The following PAK5 variants were observed in gnomAD, a reference collection of about 807,000 sequenced individuals.
The protein encoded by PAK5 is serine/threonine-protein kinase PAK 5.
A neutral mutation model predicts 65.9 loss-of-function variants in PAK5; 16 were observed. The ratio of observed to expected loss-of-function variants is 0.24; its 90% CI spans 0.16 to 0.37. The LOEUF (loss-of-function observed/expected upper bound fraction) is 0.37, where lower values mean the gene tolerates loss of function less well. Among genes scored for constraint, PAK5 ranks in the 10% least tolerant of loss-of-function variants. The pLI is 1.00. For synonymous variants in PAK5, 371 were observed against 354.9 expected, an observed-to-expected ratio of 1.05 and a Z score of -0.51; for missense variants, 785 against 903.9, an observed-to-expected ratio of 0.87 and a Z score of 1.69.
intron 2 of PAK5, among the ~76,000 whole-genome samples, chr20:9,697,998 T>C (rs1031947286): frequency 6.6e-6 from 1 of 152,068 alleles, no homozygotes; most frequent in African/African-American, 2.4e-5. Context: ...TAGTACTGTT[T>C]GACCATATGA....
chr20:9,732,969 A>AG (rs2048349776), intron 1 of PAK5, among the ~76,000 whole-genome samples: 2 of 152,154 alleles, frequency 1.3e-5, no homozygotes, highest in African/African-American at 4.8e-5. Context: ...TCTTACCAAT[A>AG]CTGTTGGAAC....
At chr20:9,717,904 G>A (rs2048168751) in intron 1 of PAK5, among the ~76,000 whole-genome samples, 1 of 152,180 alleles carries the variant, frequency 6.6e-6, no homozygotes, top group African/African-American at 2.4e-5. Flanking sequence ...ACAGGTGTGA[G>A]CCACAGCGCT....
At chr20:9,764,170 T>C (rs1428922728) in intron 1 of PAK5, among the ~76,000 whole-genome samples, 1 of 152,188 alleles carries the variant, frequency 6.6e-6, no homozygotes, top group African/African-American at 2.4e-5. Context: ...CTTGATCTCC[T>C]TTCATCAAGG....
intron 1 of PAK5, among the ~76,000 whole-genome samples, chr20:9,828,916 C>T (rs935802998): frequency 1.3e-5 from 2 of 152,112 alleles, no homozygotes; most frequent in East Asian, 3.9e-4. Context: ...AGTGATGGAA[C>T]CAATATTGAT....
At chr20:9,782,530 A>T (rs2048951586) in intron 1 of PAK5, among the ~76,000 whole-genome samples, 1 of 152,208 alleles carries the variant, frequency 6.6e-6, no homozygotes, top group South Asian at 2.1e-4. Flanking sequence ...AATCCGTGAC[A>T]TGTGGGTGGC....
intron 3 of PAK5, among the ~76,000 whole-genome samples, chr20:9,595,845 C>A (rs2046254060): frequency 6.6e-6 from 1 of 151,160 alleles, no homozygotes; most frequent in Non-Finnish European, 1.5e-5. Flanking sequence ...TTTTCCCACT[C>A]CCCTTTTCTG....
At chr20:9,747,926 T>C (rs1433293357) in intron 1 of PAK5, among the ~76,000 whole-genome samples, 1 of 152,042 alleles carries the variant, frequency 6.6e-6, no homozygotes, top group African/African-American at 2.4e-5. Context: ...TGATTGTATA[T>C]CTAGAAAACC....
intron 1 of PAK5, among the ~76,000 whole-genome samples, chr20:9,758,690 G>T (rs1306571605): frequency 6.6e-6 from 1 of 152,182 alleles, no homozygotes; most frequent in African/African-American, 2.4e-5. Context: ...CCCCCTTGGA[G>T]TCTAGGTTGT....
intron 2 of PAK5, among the ~76,000 whole-genome samples, chr20:9,664,590 T>C (rs1457581343): frequency 6.6e-6 from 1 of 152,186 alleles, no homozygotes. Context: ...TTAGGGAACA[T>C]CATTTCGTTT....
At chr20:9,767,601 T>C (rs2048783252) in intron 1 of PAK5, among the ~76,000 whole-genome samples, 1 of 152,192 alleles carries the variant, frequency 6.6e-6, no homozygotes, top group Non-Finnish European at 1.5e-5. Context: ...GGGCAATCCA[T>C]AAAAGTGCCC....
chr20:9,640,115 TTACA>T (rs929391285), intron 3 of PAK5, among the ~76,000 whole-genome samples: 4 of 151,992 alleles, frequency 2.6e-5, no homozygotes, highest in African/African-American at 9.7e-5. Flanking sequence ...TGCAGGTTTG[TTACA>T]TATATATACA....
At chr20:9,838,000 C>A (rs887252934) in intron 1 of PAK5, among the ~76,000 whole-genome samples, 6 of 152,114 alleles carry the variant, frequency 3.9e-5, no homozygotes, top group Non-Finnish European at 8.8e-5. Flanking sequence ...GAAGGGCGAT[C>A]GCGCTTATCC....
At chr20:9,679,333 T>C (rs1326594582) in intron 2 of PAK5, among the ~76,000 whole-genome samples, 1 of 152,172 alleles carries the variant, frequency 6.6e-6, no homozygotes, top group Non-Finnish European at 1.5e-5. Context: ...AGTCAAAAGT[T>C]ATGCATGGAT....
At chr20:9,748,490 A>G (rs2048535064) in intron 1 of PAK5, among the ~76,000 whole-genome samples, 1 of 152,166 alleles carries the variant, frequency 6.6e-6, no homozygotes, top group Non-Finnish European at 1.5e-5. Context: ...CAAAACAGAG[A>G]TATAGATCAA....
At position 9,538,305 on chromosome 20, in the gene PAK5, C is replaced by T. The variant is rs969612945; in HGVS notation, c.*1157G>A. On this transcript the variant is annotated 3_prime_UTR_variant, in exon 10 of 10. Coordinates refer to ENST00000353224, the MANE Select transcript of PAK5 (RefSeq NM_177990.4). ...AAATACCCTCTTGCTAATTCATCCT[C>T]TAGAGTCAGTTCAGACTTCCAGCAC... The T allele has an allele frequency of 4.3e-5, 10 of 233,574 alleles. No individual in the cohort carries two copies. In the Admixed American group the frequency reaches 5.1e-4, roughly 12 times the overall value. The allele number at this position is 233,574 out of a possible 1,614,324, so 14.5% of individuals were successfully genotyped here.
intron 2 of PAK5, among the ~76,000 whole-genome samples, chr20:9,679,606 T>C (rs918978759): frequency 1.3e-5 from 2 of 152,156 alleles, no homozygotes; most frequent in Non-Finnish European, 2.9e-5. Context: ...GAGGTTATTT[T>C]CCTGGGAACA....
chr20:9,572,577 G>T (rs1446674505), intron 4 of PAK5, among the ~76,000 whole-genome samples: 2 of 152,214 alleles, frequency 1.3e-5, no homozygotes, highest in African/African-American at 2.4e-5. Context: ...TTGTGAAAGG[G>T]ATTTGGGATC....
intron 1 of PAK5, among the ~76,000 whole-genome samples, chr20:9,817,530 A>G (rs1360547516): frequency 2.0e-5 from 3 of 152,242 alleles, no homozygotes; most frequent in Non-Finnish European, 4.4e-5. Context: ...AAGAAGAAAG[A>G]TAACAGAAAA....
chr20:9,795,446 A>T (rs1173468083), intron 1 of PAK5, among the ~76,000 whole-genome samples: 1 of 152,132 alleles, frequency 6.6e-6, no homozygotes, highest in Non-Finnish European at 1.5e-5. Flanking sequence ...TTTGAAAATG[A>T]GAAGGTGCAA....
Sources: allele counts gnomAD v4.1 joint callset (sites outside exome capture counted in the v4.1 genomes callset), GRCh38; gene constraint gnomAD v4.1.1; transcripts MANE v1.5; gene names NCBI Gene and HGNC (gene_info 2026-07-23, HGNC 2026-07-21).